The following ZYX variants were observed in gnomAD, a reference collection of about 807,000 sequenced individuals.
ZYX encodes zyxin-2.
A neutral mutation model predicts 58.1 loss-of-function variants in ZYX; 37 were observed. The observed-to-expected ratio is 0.64, with a 90% confidence interval of 0.49 to 0.84. The LOEUF (loss-of-function observed/expected upper bound fraction) is 0.84, where lower values mean the gene tolerates loss of function less well. Among genes scored for constraint, ZYX ranks in the 40% least tolerant of loss-of-function variants. The pLI, the probability that ZYX is intolerant of heterozygous loss-of-function variation, is 0.00. For synonymous variants in ZYX, 324 were observed against 321.1 expected, an observed-to-expected ratio of 1.01 and a Z score of -0.10; for missense variants, 762 against 761.6, an observed-to-expected ratio of 1.00 and a Z score of -0.01.
In ZYX at chr7:143,383,078, C is replaced by T. The variant is rs372271491; in HGVS notation, c.779C>T (p.Pro260Leu). Reference sequence around the variant, plus strand: ...CCCCGAGGGCCCCCAGCCTCATCTCCGGCTCCAGCCCCTAAGTTTTCTCCA... The same window carrying T: ...CCCCGAGGGCCCCCAGCCTCATCTCTGGCTCCAGCCCCTAAGTTTTCTCCA... The part of the protein sequence containing the change: ...TQPRGPPASS[P>L]APAPKFSPVT... The change falls in exon 5 of 10, where the codon CCG becomes CTG. Residue 260 changes from proline to leucine, a missense_variant. By Grantham distance (98) the Pro-to-Leu change is moderately conservative. Transcript: ENST00000322764. 4.3e-5 allele frequency: 70 copies of T among 1,614,116 alleles called. No individual in the cohort carries two copies. The highest frequency in any genetic ancestry group is 3.7e-4 in the Admixed American group (22 of 60,014).
chr7:143,389,094 C>T lies in ZYX; in HGVS notation c.1493+149C>T, dbSNP rs528043801. 5 of 915,160 alleles carry T rather than the reference C, an allele frequency of 5.5e-6. No homozygotes were observed. Among genetic ancestry groups the T allele is most frequent in the African/African-American group, 1.7e-5 (1 of 60,178 alleles). 56.7% of individuals were successfully genotyped at this position (915,160 alleles called of 1,614,324 possible). A position where few individuals can be genotyped will look rare whatever the true frequency, so the allele number is the denominator to read the frequency against. ...CTGTAAACAGCAGGGACCAAGTCAT[C>T]GGGATGTAGCTGTCCAGGGGCCTTA... On this transcript the variant is annotated intron_variant, in intron 8 of 9. Transcript: ENST00000322764. This position sits in a 1 kb window ranked among gnomAD's most constrained non-coding sequence, Gnocchi z 5.6.
rs1804904444 is a variant in ZYX at position 143,387,451 on chromosome 7, A to G, written c.1024-768A>G. ...TGCTCCTGTGGGCGTGTCTCCCGGC[A>G]GTGCTGATGCAGGTCAGACAGCCCT... is the stretch of plus-strand genomic sequence containing the variant. On this transcript the variant is annotated intron_variant, in intron 5 of 9. Coordinates refer to ENST00000322764, the MANE Select transcript of ZYX (RefSeq NM_003461.5). The surrounding 1 kb of genome is among the most constrained non-coding windows in gnomAD (Gnocchi z 5.8). 2.6e-5 allele frequency among the ~76,000 whole-genome samples: 4 copies of G among 152,136 alleles called. No individual in the cohort carries two copies. Among genetic ancestry groups the G allele is most frequent in the Admixed American group, 2.6e-4 (4 of 15,288 alleles).
In ZYX at chr7:143,388,420, G is replaced by A. The variant is rs1804944876; in HGVS notation, c.1145-69G>A. ...AGGGCTGTGGCTCCACTCCCTATCT[G>A]AGCTGGCTGATCCCTCGCAGCTCTA... On this transcript the variant is annotated intron_variant, in intron 6 of 9. Transcript: ENST00000322764. The surrounding 1 kb of genome is among the most constrained non-coding windows in gnomAD (Gnocchi z 7.5). 2 of 1,605,974 alleles carry A rather than the reference G, an allele frequency of 1.2e-6. No individual in the cohort carries two copies. The highest frequency in any genetic ancestry group is 1.7e-5 in the Admixed American group (1 of 59,654).
At position 143,382,934 on chromosome 7, in the gene ZYX, T is replaced by C. The variant is rs1185483802; in HGVS notation, c.635T>C (p.Val212Ala). ...SPSSSQPLPQ[V>A]PAPAQSQTQF... ...TCCAGCTCCCAGCCTCTGCCCCAGG[T>C]TCCGGCTCCGGCTCAGAGCCAGACA... Residue 212 changes from valine (V) to alanine (A), a missense_variant, in exon 5 of 10, where the codon GTT (valine) becomes GCT (alanine). Transcript: ENST00000322764. 6.2e-7 allele frequency: 1 copy of C among 1,613,992 alleles called. No homozygotes were observed. Among genetic ancestry groups the C allele is most frequent in the East Asian group, 2.2e-5 (1 of 44,864 alleles).
chr7:143,388,458 T>C lies in ZYX; in HGVS notation c.1145-31T>C. 1 of 1,606,886 alleles carries C rather than the reference T, an allele frequency of 6.2e-7. No homozygotes were observed. On this transcript the variant is annotated intron_variant, in intron 6 of 9. Transcript: ENST00000322764. The surrounding 1 kb of genome is among the most constrained non-coding windows in gnomAD (Gnocchi z 7.5). Reference sequence around the variant, plus strand: ...CCTCGCAGCTCTACATACTTCCTTCTATTTACTGCTGTCTTCTCTGGCCTT... The same window carrying C: ...CCTCGCAGCTCTACATACTTCCTTCCATTTACTGCTGTCTTCTCTGGCCTT...
At position 143,388,138 on chromosome 7, in the gene ZYX, G is replaced by T. The variant is rs1397822328; in HGVS notation, c.1024-81G>T. The T allele has an allele frequency of 5.3e-6, 8 of 1,500,396 alleles. No individual in the cohort carries two copies. Among genetic ancestry groups the T allele is most frequent in the Non-Finnish European group, 7.1e-6 (8 of 1,119,654 alleles). The allele number at this position is 1,500,396 out of a possible 1,614,324, so 92.9% of individuals were successfully genotyped here. On this transcript the variant is annotated intron_variant, in intron 5 of 9. Transcript: ENST00000322764. The surrounding 1 kb of genome is among the most constrained non-coding windows in gnomAD (Gnocchi z 7.5). ...ACGAGCTGGGAGCTAAGCCTCATCG[G>T]AAGAAGCCGGGTAGGCTGGCCTGGG...
rs369814038 is a variant in ZYX, at chr7:143,382,546, G to A, written c.409-47G>A. ...TCCCCTGCACCTCTGCCTTGGGGGTGGGGGGATAGAGGCATGGAATAGGTG... is the reference window on the plus strand; with the variant it reads ...TCCCCTGCACCTCTGCCTTGGGGGTAGGGGGATAGAGGCATGGAATAGGTG... On this transcript the variant is annotated intron_variant, in intron 3 of 9. Transcript: ENST00000322764. 4.4e-5 allele frequency: 71 copies of A among 1,603,178 alleles called. 1 individual carries two copies. In the Middle Eastern group the frequency reaches 2.3e-3, roughly 52 times the overall value.
Position 143,382,694 on chromosome 7 carries a change from C to G in ZYX, c.501+9C>G. On this transcript the variant is annotated intron_variant, in intron 4 of 9. Coordinates refer to ENST00000322764, the MANE Select transcript of ZYX (RefSeq NM_003461.5). ...ATCCTTTCAAAGCCCGGGTAAGGGA[C>G]CGGAGAGTAGGAAAAGCAGGGCTCA... The G allele has an allele frequency of 6.2e-7, 1 of 1,614,024 alleles. No individual in the cohort carries two copies.
chr7:143,388,789 C>T lies in ZYX; in HGVS notation c.1337C>T (p.Thr446Ile), dbSNP rs1251145832. 6.2e-7 allele frequency: 1 copy of T among 1,613,864 alleles called. No individual in the cohort carries two copies. Among genetic ancestry groups the T allele is most frequent in the Non-Finnish European group, 8.5e-7 (1 of 1,179,864 alleles). ...CAGGACACCCTGGAGAAGTGTAACA[C>T]CTGCGGGGAGCCCATCACTGACCGC... Reference protein sequence around the residue: ...CYTDTLEKCNTCGEPITDRML... With the variant: ...CYTDTLEKCNICGEPITDRML... The change falls in exon 8 of 10, where the codon ACC becomes ATC. Residue 446 changes from threonine to isoleucine, a missense_variant. Physicochemically the swap from Thr to Ile is moderately conservative, Grantham distance 89. Coordinates refer to ENST00000322764, the MANE Select transcript of ZYX (RefSeq NM_003461.5). The surrounding 1 kb of genome is among the most constrained non-coding windows in gnomAD (Gnocchi z 7.5).
At chr7:143,382,125 T>G (rs1411158951) in intron 2 of ZYX, 123 bp from the exon 3 acceptor site, 1 of 855,204 alleles carries the variant, frequency 1.2e-6, no homozygotes, top group Non-Finnish European at 1.8e-6. Context: ...CCTCCTTTGC[T>G]TCCCCACACG....
chr7:143,388,202 A>G lies in ZYX; in HGVS notation c.1024-17A>G. ...GCAGCAGCCCTCTAGAGTGTGAGGA[A>G]AATGTTGGGATTGCAGGTGCGCTCC... On this transcript the variant is annotated splice_polypyrimidine_tract_variant and intron_variant, in intron 5 of 9. Transcript: ENST00000322764. This position sits in a 1 kb window ranked among gnomAD's most constrained non-coding sequence, Gnocchi z 7.5. 1 of 1,586,146 alleles carries G rather than the reference A, an allele frequency of 6.3e-7. No individual in the cohort carries two copies. The highest frequency in any genetic ancestry group is 8.6e-7 in the Non-Finnish European group (1 of 1,166,106).
chr7:143,383,077 CCGG>C lies in ZYX; in HGVS notation c.780_782del (p.Ala261del). Reference sequence around the variant, plus strand: ...GCCCCGAGGGCCCCCAGCCTCATCTCCGGCTCCAGCCCCTAAGTTTTCTCCAGT... The same window carrying C: ...GCCCCGAGGGCCCCCAGCCTCATCTCCTCCAGCCCCTAAGTTTTCTCCAGT... On this transcript the variant is annotated inframe_deletion, in exon 5 of 10. Transcript: ENST00000322764. 1 of 1,614,246 alleles carries C rather than the reference CCGG, an allele frequency of 6.2e-7. No homozygotes were observed. The highest frequency in any genetic ancestry group is 1.3e-5 in the African/African-American group (1 of 75,066).
In ZYX at chr7:143,387,721, A is replaced by AAC; in HGVS notation, c.1024-497_1024-496dup. On this transcript the variant is annotated intron_variant, in intron 5 of 9. Coordinates refer to ENST00000322764, the MANE Select transcript of ZYX (RefSeq NM_003461.5). The surrounding 1 kb of genome is among the most constrained non-coding windows in gnomAD (Gnocchi z 5.8). ...TTCTTGCAGACAGCTCAGTGGGTTTAACCTGCAATTCCTGCCTGTGTTGTA... is the reference window on the plus strand; with the variant it reads ...TTCTTGCAGACAGCTCAGTGGGTTTAACACCTGCAATTCCTGCCTGTGTTGTA... 2.1e-6 allele frequency: 1 copy of AAC among 471,262 alleles called. No homozygotes were observed. The highest frequency in any genetic ancestry group is 4.4e-6 in the Non-Finnish European group (1 of 227,054). The allele number at this position is 471,262 out of a possible 1,614,324, so 29.2% of individuals were successfully genotyped here. A position where few individuals can be genotyped will look rare whatever the true frequency, so the allele number is the denominator to read the frequency against.
chr7:143,381,921 C>T, intron 2 of ZYX, 142 bp downstream of exon 2: 2 of 857,478 alleles, frequency 2.3e-6, no homozygotes, highest in South Asian at 1.9e-5. Flanking sequence ...GTTCTTACCT[C>T]ATCGTGGAGC....
Position 143,389,711 on chromosome 7 carries a change from A to C in ZYX, c.1494-146A>C. The stretch of plus-strand genomic sequence containing the variant: ...TGATGAGGGCCAGTCATGGTGTCTC[A>C]CTCTTAGGCCCTTCTGGTGAGCTTC... On this transcript the variant is annotated intron_variant, in intron 8 of 9. Coordinates refer to ENST00000322764, the MANE Select transcript of ZYX (RefSeq NM_003461.5). This position sits in a 1 kb window ranked among gnomAD's most constrained non-coding sequence, Gnocchi z 5.6. 8.7e-7 allele frequency: 1 copy of C among 1,150,968 alleles called. No homozygotes were observed. Among genetic ancestry groups the C allele is most frequent in the Non-Finnish European group, 1.2e-6 (1 of 832,604 alleles). 71.3% of individuals were successfully genotyped at this position (1,150,968 alleles called of 1,614,324 possible).
At position 143,382,916 on chromosome 7, in the gene ZYX, C is replaced by T. The variant is rs761468586; in HGVS notation, c.617C>T (p.Ser206Phe). ...PLPPWKSPSSSQPLPQVPAPA... is the reference protein window; with the variant it reads ...PLPPWKSPSSFQPLPQVPAPA... ...CCTCCTTGGAAGTCCCCTTCCAGCT[C>T]CCAGCCTCTGCCCCAGGTTCCGGCT... The change falls in exon 5 of 10, where the codon TCC (serine) becomes TTC (phenylalanine). Residue 206 changes from serine to phenylalanine, a missense_variant. Ser to Phe is a radical substitution (Grantham distance 155). Transcript: ENST00000322764. 2 of 1,614,084 alleles carry T rather than the reference C, an allele frequency of 1.2e-6. No homozygotes were observed. The highest frequency in any genetic ancestry group is 2.2e-5 in the South Asian group (2 of 91,076).
Position 143,382,300 on chromosome 7 carries a change from T to G in ZYX, c.261T>G (p.Gly87=). ...CTGGGGATGGCGACGATGCAGAGGGTGCTCTGGGAGGTGCCTTCCCGCCGC... is the reference window on the plus strand; with the variant it reads ...CTGGGGATGGCGACGATGCAGAGGGGGCTCTGGGAGGTGCCTTCCCGCCGC... ...PLAGDGDDAE[G]ALGGAFPPPP... Residue 87 remains glycine (G), a synonymous_variant, in exon 3 of 10, where the codon GGT becomes GGG. Coordinates refer to ENST00000322764, the MANE Select transcript of ZYX (RefSeq NM_003461.5). 6.2e-7 allele frequency: 1 copy of G among 1,611,946 alleles called. No homozygotes were observed. Among genetic ancestry groups the G allele is most frequent in the Non-Finnish European group, 8.5e-7 (1 of 1,178,998 alleles).
rs754702440 is a variant in ZYX, at chr7:143,382,559, C to T, written c.409-34C>T. 1.9e-6 allele frequency: 3 copies of T among 1,609,086 alleles called. No individual in the cohort carries two copies. The South Asian group carries it at 3.3e-5, about 18-fold the overall frequency. On this transcript the variant is annotated intron_variant, in intron 3 of 9. Transcript: ENST00000322764. ...TGCCTTGGGGGTGGGGGGATAGAGG[C>T]ATGGAATAGGTGCTCTGACCTCTGA...
chr7:143,390,194 T>A lies in ZYX; in HGVS notation c.1614+217T>A, dbSNP rs991792691. The A allele has an allele frequency of 6.5e-6, 4 of 616,598 alleles. No homozygotes were observed. Among genetic ancestry groups the A allele is most frequent in the African/African-American group, 5.5e-5 (3 of 54,056 alleles). The allele number at this position is 616,598 out of a possible 1,614,324, so 38.2% of individuals were successfully genotyped here. A position where few individuals can be genotyped will look rare whatever the true frequency, so the allele number is the denominator to read the frequency against. The stretch of plus-strand genomic sequence containing the variant: ...TTCTGAGGTCACTTTGAGTCATGGA[T>A]AAGCCAAGAAATGGGACAAGCCAAT... On this transcript the variant is annotated intron_variant, in intron 9 of 9. Coordinates refer to ENST00000322764, the MANE Select transcript of ZYX (RefSeq NM_003461.5). The surrounding 1 kb of genome is among the most constrained non-coding windows in gnomAD (Gnocchi z 4.3).
Sources: allele counts gnomAD v4.1 joint callset (sites outside exome capture counted in the v4.1 genomes callset), GRCh38; gene constraint gnomAD v4.1.1; non-coding constraint Gnocchi (gnomAD v3.1); transcripts MANE v1.5; gene names NCBI Gene and HGNC (gene_info 2026-07-23, HGNC 2026-07-21).